The following SERINC5 variants were observed in gnomAD, a reference collection of about 807,000 sequenced individuals.
The protein encoded by SERINC5 is serine incorporator 5, also known as chromosome 5 open reading frame 12.
A neutral mutation model predicts 63.1 loss-of-function variants in SERINC5; 41 were observed. The observed-to-expected ratio is 0.65, with a 90% CI of 0.51 to 0.84. The LOEUF is 0.84. Among genes scored for constraint, SERINC5 ranks in the 40% least tolerant of loss-of-function variants. The pLI is 0.00. For missense variants in SERINC5, 523 were observed against 573.0 expected (o/e 0.91, Z 0.89); for synonymous variants, 222 against 215.2 (o/e 1.03, Z -0.28).
At chr5:80,224,239 T>C (rs1020916280) in intron 1 of SERINC5, among the ~76,000 whole-genome samples, 1 of 151,900 alleles carries the variant, frequency 6.6e-6, no homozygotes, top group Non-Finnish European at 1.5e-5. Flanking sequence ...GGCGAGCAGA[T>C]GGCTTGAGTC....
In SERINC5 at chr5:80,256,039, G is replaced by A; in HGVS notation, c.-117C>T. 3.5e-6 allele frequency: 4 copies of A among 1,138,392 alleles called. No individual in the cohort carries two copies. The highest frequency in any genetic ancestry group is 4.7e-6 in the Non-Finnish European group (4 of 853,920). The allele number at this position is 1,138,392 out of a possible 1,614,324, so 70.5% of individuals were successfully genotyped here. A position where few individuals can be genotyped will look rare whatever the true frequency, so the allele number is the denominator to read the frequency against. ...GCAGCTCACACTTGAACGAAGATCAGCCTCGGCGAAGCGCCTAGGCGCCGA... is the reference window on the plus strand; with the variant it reads ...GCAGCTCACACTTGAACGAAGATCAACCTCGGCGAAGCGCCTAGGCGCCGA... On this transcript the variant is annotated 5_prime_UTR_variant, in exon 1 of 12. Transcript: ENST00000507668.
intron 5 of SERINC5, among the ~76,000 whole-genome samples, chr5:80,171,847 C>T (rs1289374580): frequency 1.3e-5 from 2 of 151,916 alleles, no homozygotes; most frequent in East Asian, 1.9e-4. Flanking sequence ...CGCCACGGCA[C>T]TCCAGCCTGG....
intron 2 of SERINC5, among the ~76,000 whole-genome samples, chr5:80,189,888 TTTGTAGAGACAGGGTTTTAACTATG>T (rs986023271): frequency 5.3e-5 from 8 of 152,124 alleles, no homozygotes; most frequent in African/African-American, 1.9e-4. Context: ...TTTTTTACTT[TTTGTAGAGACAGGGTTTTAACTATG>T]TTGCACAGGC....
downstream of SERINC5, among the ~76,000 whole-genome samples, chr5:80,136,735 C>T (rs553485891): frequency 1.3e-5 from 2 of 152,266 alleles, no homozygotes; most frequent in East Asian, 1.9e-4. Flanking sequence ...ATATAAGAAA[C>T]TCAAAACTGC....
intron 11 of SERINC5, among the ~76,000 whole-genome samples, chr5:80,119,510 T>C (rs1863959): frequency 0.34 from 51,016 of 152,194 alleles, 8,777 homozygotes; most frequent in Middle Eastern, 0.37. Flanking sequence ...GGCAGGCACA[T>C]AGAACTAACT....
At chr5:80,212,612 T>C (rs924068351) in intron 1 of SERINC5, among the ~76,000 whole-genome samples, 2 of 137,748 alleles carry the variant, frequency 1.5e-5, no homozygotes, top group Non-Finnish European at 3.0e-5. Context: ...AGAAATAGCT[T>C]CCACTGAGCT....
chr5:80,155,306 T>G (rs1011464595), intron 8 of SERINC5, among the ~76,000 whole-genome samples: 2 of 152,236 alleles, frequency 1.3e-5, no homozygotes, highest in Non-Finnish European at 2.9e-5. Context: ...GGCTCACGCC[T>G]GTAATCCCAG....
Position 80,169,306 on chromosome 5 carries a change from T to C in SERINC5, c.763+29A>G, listed in dbSNP as rs539692051. 83 of 1,583,750 alleles carry C rather than the reference T, an allele frequency of 5.2e-5. No homozygotes were observed. The East Asian group carries it at 1.6e-3, about 30-fold the overall frequency. ...TCAAAGACACTTAGGAAAATATAAG[T>C]AACGAAGAATGGAAAAAAACATGCT... is the stretch of plus-strand genomic sequence containing the variant. On this transcript the variant is annotated intron_variant, in intron 6 of 11. Transcript: ENST00000507668.
intron 1 of SERINC5, among the ~76,000 whole-genome samples, chr5:80,207,000 T>C (rs1400741644): frequency 6.6e-6 from 1 of 151,524 alleles, no homozygotes; most frequent in Non-Finnish European, 1.5e-5. Context: ...TCTCACTATA[T>C]ATATATATAT....
chr5:80,241,379 G>A (rs1299951714), intron 1 of SERINC5, among the ~76,000 whole-genome samples: 1 of 152,162 alleles, frequency 6.6e-6, no homozygotes, highest in Non-Finnish European at 1.5e-5. Context: ...TGAGGCAGGA[G>A]AATTGCCTGA....
At chr5:80,218,818 C>T (rs746970125) in intron 1 of SERINC5, among the ~76,000 whole-genome samples, 7 of 152,088 alleles carry the variant, frequency 4.6e-5, no homozygotes, top group African/African-American at 7.2e-5. Context: ...AACCACTGGC[C>T]GCTCTCCCCA....
chr5:80,213,690 C>G (rs1750537469), intron 1 of SERINC5, among the ~76,000 whole-genome samples: 1 of 152,168 alleles, frequency 6.6e-6, no homozygotes, highest in Non-Finnish European at 1.5e-5. Context: ...GTCTCCCATG[C>G]AAACTCTGGC....
chr5:80,141,164 G>A lies in SERINC5; in HGVS notation c.*2499C>T. The A allele has an allele frequency of 2.0e-6, 2 of 985,234 alleles. No homozygotes were observed. The highest frequency in any genetic ancestry group is 2.4e-6 in the Non-Finnish European group (2 of 829,808). 61.0% of individuals were successfully genotyped at this position (985,234 alleles called of 1,614,324 possible). On this transcript the variant is annotated 3_prime_UTR_variant, in exon 12 of 12. Transcript: ENST00000507668. ...CCTCAGATACATCCACATCTGTTTT[G>A]TTCATCCAGATACACGTGCTAACAT...
At chr5:80,211,030 T>A (rs1750406404) in intron 1 of SERINC5, among the ~76,000 whole-genome samples, 5 of 152,212 alleles carry the variant, frequency 3.3e-5, no homozygotes, top group Admixed American at 3.3e-4. Context: ...ACCACACTCC[T>A]GTCAACCCTG....
chr5:80,178,542 T>G (rs1290529921), intron 2 of SERINC5, among the ~76,000 whole-genome samples: 10 of 53,352 alleles, frequency 1.9e-4, no homozygotes, highest in African/African-American at 6.1e-4. Flanking sequence ...TTTGTATTTT[T>G]TTTTTTTTTT....
chr5:80,229,029 T>TGGGGGGGGGGGGGA (rs1314284751), intron 1 of SERINC5, among the ~76,000 whole-genome samples: 1 of 43,134 alleles, frequency 2.3e-5, no homozygotes, highest in African/African-American at 2.3e-4. Flanking sequence ...ACCTTTTTTT[T>TGGGGGGGGGGGGGA]TTTTTTTTTT....
At chr5:80,164,474 G>A (rs1422519917) in intron 7 of SERINC5, among the ~76,000 whole-genome samples, 1 of 151,924 alleles carries the variant, frequency 6.6e-6, no homozygotes, top group Non-Finnish European at 1.5e-5. Context: ...CTCAACCTCT[G>A]GGGCTCCAGT....
chr5:80,239,157 T>C (rs1226061158), intron 1 of SERINC5, among the ~76,000 whole-genome samples: 1 of 152,314 alleles, frequency 6.6e-6, no homozygotes, highest in East Asian at 1.9e-4. Context: ...ACTTCCCAGA[T>C]TCTCACAACC....
intron 2 of SERINC5, among the ~76,000 whole-genome samples, chr5:80,182,462 CGT>C (rs1748496175): frequency 6.6e-6 from 1 of 151,236 alleles, no homozygotes; most frequent in Non-Finnish European, 1.5e-5. Context: ...TCTCCCATTA[CGT>C]GTTGCCAGCA....
Sources: allele counts gnomAD v4.1 joint callset (sites outside exome capture counted in the v4.1 genomes callset), GRCh38; gene constraint gnomAD v4.1.1; transcripts MANE v1.5; gene names NCBI Gene and HGNC (gene_info 2026-07-23, HGNC 2026-07-21).